CREM: variants seen among roughly 807,000 people sequenced by gnomAD.
CREM encodes cAMP responsive element modulator, also known as cAMP-responsive element modulator.
In CREM, 13 loss-of-function variants were observed where a neutral mutation model predicts 37.3. The ratio of observed to expected loss-of-function variants is 0.35; its 90% CI spans 0.23 to 0.55. The LOEUF is 0.55. Ranked by LOEUF, CREM falls within the 20% of genes least tolerant of loss-of-function variation. The pLI is 0.88. For missense variants in CREM, 296 were observed against 362.3 expected, an observed-to-expected ratio of 0.82 and a Z score of 1.49; for synonymous variants, 124 against 120.2, an observed-to-expected ratio of 1.03 and a Z score of -0.21.
intron 3 of CREM, among the ~76,000 whole-genome samples, chr10:35,153,576 C>T (rs1235261384): frequency 6.6e-6 from 1 of 152,108 alleles, no homozygotes; most frequent in African/African-American, 2.4e-5. Context: ...CCATGAAGAC[C>T]TAGGTGGGTA....
intron 3 of CREM, among the ~76,000 whole-genome samples, chr10:35,171,957 T>G (rs965990398): frequency 6.6e-6 from 1 of 152,168 alleles, no homozygotes; most frequent in Non-Finnish European, 1.5e-5. Context: ...CCCTCCTTAC[T>G]TACCTGTGGC....
At chr10:35,154,386 C>A (rs1214494660) in intron 3 of CREM, 3 of 272,072 alleles carry the variant, frequency 1.1e-5, no homozygotes, top group Non-Finnish European at 1.4e-5. Flanking sequence ...TTAAAGAGAT[C>A]TGCATTATGT....
chr10:35,149,392 C>T (rs1564818329), intron 3 of CREM, among the ~76,000 whole-genome samples: 1 of 152,064 alleles, frequency 6.6e-6, no homozygotes, highest in Non-Finnish European at 1.5e-5. Context: ...CTGGGCAGTC[C>T]AGCTGGTAAA....
intron 5 of CREM, among the ~76,000 whole-genome samples, chr10:35,182,767 A>C (rs1194707362): frequency 6.6e-6 from 1 of 152,224 alleles, no homozygotes; most frequent in Admixed American, 6.5e-5. Context: ...CATTATTACA[A>C]CACCAAGTAA....
chr10:35,205,186 A>G (rs1054635672), intron 6 of CREM, among the ~76,000 whole-genome samples: 1 of 152,214 alleles, frequency 6.6e-6, no homozygotes, highest in African/African-American at 2.4e-5. Context: ...CTAGGAAGCT[A>G]TGTTTCTTGC....
chr10:35,140,072 A>G (rs114161718), intron 2 of CREM, among the ~76,000 whole-genome samples: 2,293 of 152,326 alleles, frequency 0.015, 60 homozygotes, highest in African/African-American at 0.052. Context: ...AAATCTGCAG[A>G]ATAAACTGGC....
intron 6 of CREM, among the ~76,000 whole-genome samples, chr10:35,191,207 C>A (rs2094905478): frequency 6.6e-6 from 1 of 151,564 alleles, no homozygotes; most frequent in Admixed American, 6.6e-5. Context: ...GGTTTTGTTG[C>A]CATTACAATG....
At chr10:35,163,765 G>C (rs941754780) in intron 3 of CREM, among the ~76,000 whole-genome samples, 3 of 152,044 alleles carry the variant, frequency 2.0e-5, no homozygotes, top group Admixed American at 2.0e-4. Context: ...AGGTTGCAGT[G>C]AGCCAAGATC....
At chr10:35,133,286 G>A (rs1483772255) in intron 1 of CREM, among the ~76,000 whole-genome samples, 3 of 150,816 alleles carry the variant, frequency 2.0e-5, no homozygotes, top group Non-Finnish European at 2.9e-5. Flanking sequence ...ATCTCCAATT[G>A]TAATATCTAG....
intron 6 of CREM, among the ~76,000 whole-genome samples, chr10:35,192,612 G>T (rs1010306784): frequency 5.3e-5 from 8 of 152,002 alleles, no homozygotes; most frequent in Admixed American, 2.0e-4. Flanking sequence ...GCATCCTAAA[G>T]TGCTACGATT....
Position 35,127,103 on chromosome 10 carries a change from C to T in CREM, c.-145C>T, listed in dbSNP as rs1429397850. On this transcript the variant is annotated 5_prime_UTR_variant, in exon 1 of 8. Transcript: ENST00000685392. ...GGCTCCGGGTTGCTGGGCGGCGGCG[C>T]CGCTGCTGAGCGGCGGTCGGGCTCG... 6.5e-6 allele frequency: 1 copy of T among 152,786 alleles called. No homozygotes were observed. Among genetic ancestry groups the T allele is most frequent in the Non-Finnish European group, 1.5e-5 (1 of 68,148 alleles). The allele number at this position is 152,786 out of a possible 1,614,324, so 9.5% of individuals were successfully genotyped here.
intron 1 of CREM, among the ~76,000 whole-genome samples, chr10:35,134,883 C>G (rs2090174191): frequency 6.6e-6 from 1 of 151,784 alleles, no homozygotes; most frequent in South Asian, 2.1e-4. Context: ...ACTAAAAATA[C>G]AAAAATTAGC....
intron 2 of CREM, among the ~76,000 whole-genome samples, chr10:35,139,400 A>G (rs1444517789): frequency 1.3e-5 from 2 of 152,284 alleles, no homozygotes; most frequent in East Asian, 1.9e-4. Context: ...GATTACAGGC[A>G]TGAGCCACCA....
chr10:35,204,596 C>CAAAAAAAAAAAAAA (rs397845623), intron 6 of CREM, among the ~76,000 whole-genome samples: 1 of 89,510 alleles, frequency 1.1e-5, no homozygotes, highest in Non-Finnish European at 2.2e-5. Flanking sequence ...AACTACGTCT[C>CAAAAAAAAAAAAAA]AAAAAAAAAA....
At chr10:35,175,993 C>G (rs1046723441) in intron 3 of CREM, 1 of 1,550,074 alleles carries the variant, frequency 6.5e-7, no homozygotes, top group Non-Finnish European at 8.7e-7. Context: ...AAATACACAC[C>G]GTTCAGGTTA....
At chr10:35,206,160 A>C (rs1170172509) in intron 6 of CREM, among the ~76,000 whole-genome samples, 1 of 152,020 alleles carries the variant, frequency 6.6e-6, no homozygotes, top group East Asian at 1.9e-4. Flanking sequence ...AGGCAGGAGA[A>C]TGGCATGAAC....
intron 5 of CREM, among the ~76,000 whole-genome samples, chr10:35,187,775 G>C (rs755024989): frequency 1.3e-5 from 2 of 152,094 alleles, no homozygotes; most frequent in Admixed American, 1.3e-4. Flanking sequence ...AAAGTGCTGG[G>C]ATCACAGGCA....
intron 1 of CREM, among the ~76,000 whole-genome samples, chr10:35,130,290 TCTC>T (rs2089100576): frequency 6.6e-6 from 1 of 151,886 alleles, no homozygotes; most frequent in South Asian, 2.1e-4. Context: ...ATGTTAATAA[TCTC>T]CTTTTAGACA....
intron 6 of CREM, among the ~76,000 whole-genome samples, chr10:35,206,261 T>A (rs111718017): frequency 1.1e-3 from 128 of 111,750 alleles, no homozygotes; most frequent in South Asian, 4.6e-3. Flanking sequence ...AAAAAAAAAA[T>A]ATGTGTGTGT....
Sources: allele counts gnomAD v4.1 joint callset (sites outside exome capture counted in the v4.1 genomes callset), GRCh38; gene constraint gnomAD v4.1.1; transcripts MANE v1.5; gene names NCBI Gene and HGNC (gene_info 2026-07-23, HGNC 2026-07-21).